LGSN: variants seen among roughly 807,000 people sequenced by gnomAD.
LGSN encodes the protein lengsin, lens protein with glutamine synthetase domain, also known as lengsin.
LGSN carries 21 observed loss-of-function variants against 19.5 expected under a neutral mutation model. The observed-to-expected ratio is 1.07, with a 90% confidence interval of 0.76 to 1.55. The LOEUF (loss-of-function observed/expected upper bound fraction) is 1.55, where lower values mean the gene tolerates loss of function less well. LGSN is among the 40% of genes most tolerant of loss of function. The pLI, the probability that LGSN is intolerant of heterozygous loss-of-function variation, is 0.00. For missense variants in LGSN, 673 were observed against 608.5 expected, an observed-to-expected ratio of 1.11 and a Z score of -1.12; for synonymous variants, 257 against 215.6, an observed-to-expected ratio of 1.19 and a Z score of -1.68.
At chr6:63,493,215 C>T in the LGSN span, among the ~76,000 whole-genome samples, 4 of 152,096 alleles carry the variant, frequency 2.6e-5, no homozygotes, top group African/African-American at 9.7e-5. Flanking sequence ...TCACAAAGAC[C>T]CCGGGTTGGT....
In LGSN at chr6:63,281,139, T is replaced by C. The variant is rs1323268932; in HGVS notation, c.412A>G (p.Ile138Val). Residue 138 changes from isoleucine to valine, a missense_variant, in exon 4 of 4, where the codon ATA (isoleucine) becomes GTA (valine). Transcript: ENST00000370657. ...TCGCTATTAAAACATGTGGCTCTTA[T>C]GTTATTCATTTCATTGTCCTTTGGA... Reference protein sequence around the residue: ...PNPKDNEMNNIRATCFNSDIV... With the variant: ...PNPKDNEMNNVRATCFNSDIV... 2.5e-6 allele frequency: 4 copies of C among 1,613,844 alleles called. No individual in the cohort carries two copies. The highest frequency in any genetic ancestry group is 2.2e-5 in the South Asian group (2 of 91,068).
chr6:63,525,692 C>A, the LGSN span, among the ~76,000 whole-genome samples: 7 of 152,328 alleles, frequency 4.6e-5, no homozygotes, highest in African/African-American at 1.7e-4. Flanking sequence ...ACAACCCCAA[C>A]CTTTCACCTT....
At chr6:63,463,368 A>C in the LGSN span, among the ~76,000 whole-genome samples, 1 of 152,202 alleles carries the variant, frequency 6.6e-6, no homozygotes, top group South Asian at 2.1e-4. Context: ...CTGAGGCTCC[A>C]GTAAGGTGTG....
At chr6:63,491,105 A>G in the LGSN span, among the ~76,000 whole-genome samples, 1 of 152,086 alleles carries the variant, frequency 6.6e-6, no homozygotes, top group East Asian at 1.9e-4. Flanking sequence ...TTCAGAAATA[A>G]TGTTTTACCA....
the LGSN span, among the ~76,000 whole-genome samples, chr6:63,486,047 G>A: frequency 8.5e-5 from 13 of 152,080 alleles, no homozygotes; most frequent in African/African-American, 2.7e-4. Context: ...GTTTGTAGAA[G>A]TTGATCAGGA....
the LGSN span, among the ~76,000 whole-genome samples, chr6:63,547,474 G>A: frequency 6.8e-6 from 1 of 147,420 alleles, no homozygotes; most frequent in Non-Finnish European, 1.5e-5. Context: ...ACAGGCGTCT[G>A]CCACCTCGCC....
chr6:63,489,983 C>T, the LGSN span, among the ~76,000 whole-genome samples: 10 of 152,160 alleles, frequency 6.6e-5, no homozygotes, highest in Admixed American at 6.5e-4. Flanking sequence ...GTGCTGATTA[C>T]AGATGTGAGC....
At chr6:63,295,190 C>A (rs759682375) in intron 1 of LGSN, 145 bp from the exon 2 acceptor site, 1 of 684,396 alleles carries the variant, frequency 1.5e-6, no homozygotes, top group Non-Finnish European at 2.5e-6. Context: ...CACTTCCACA[C>A]TCACCTGAAT....
chr6:63,392,800 A>G, the LGSN span, among the ~76,000 whole-genome samples: 67 of 151,980 alleles, frequency 4.4e-4, no homozygotes, highest in Non-Finnish European at 7.9e-4. Context: ...TCTAATGAAG[A>G]GCAGTCTGTA....
At chr6:63,320,063 C>G, upstream of LGSN, 1 of 768,398 alleles carries the variant, frequency 1.3e-6, no homozygotes, top group South Asian at 1.5e-5. Context: ...AGAGGCTTTT[C>G]CAGAGGGGTC....
the LGSN span, among the ~76,000 whole-genome samples, chr6:63,484,999 G>T: frequency 2.6e-5 from 4 of 151,482 alleles, no homozygotes; most frequent in Admixed American, 2.6e-4. Context: ...TATCCACTTT[G>T]TCTTGTTACT....
the LGSN span, among the ~76,000 whole-genome samples, chr6:63,514,086 C>G: frequency 2.0e-5 from 3 of 150,134 alleles, no homozygotes; most frequent in Non-Finnish European, 4.5e-5. Flanking sequence ...AATCTGTGTT[C>G]TTCTGCCCAC....
the LGSN span, among the ~76,000 whole-genome samples, chr6:63,404,779 A>C: frequency 6.6e-6 from 1 of 151,850 alleles, no homozygotes; most frequent in African/African-American, 2.4e-5. Flanking sequence ...AATGATTAAT[A>C]TACTAAAAAA....
chr6:63,426,144 T>G, the LGSN span, among the ~76,000 whole-genome samples: 2 of 152,218 alleles, frequency 1.3e-5, no homozygotes, highest in African/African-American at 4.8e-5. Context: ...GGTCATTGAC[T>G]GTGATAGCAC....
At chr6:63,491,858 T>C in the LGSN span, among the ~76,000 whole-genome samples, 1 of 152,080 alleles carries the variant, frequency 6.6e-6, no homozygotes, top group Non-Finnish European at 1.5e-5. Context: ...TGAAACCCCG[T>C]CTCTACTAAA....
At chr6:63,315,602 TTC>T (rs539021063) in intron 1 of LGSN, among the ~76,000 whole-genome samples, 14,862 of 128,986 alleles carry the variant, frequency 0.12, 1,138 homozygotes, top group Admixed American at 0.27. Flanking sequence ...AGCTAAAATG[TTC>T]TCTCTCTCTC....
chr6:63,473,317 A>G, the LGSN span, among the ~76,000 whole-genome samples: 2 of 151,470 alleles, frequency 1.3e-5, no homozygotes, highest in Non-Finnish European at 2.9e-5. Flanking sequence ...TACTAAAAAC[A>G]CAAAAAATTA....
At chr6:63,505,036 C>T in the LGSN span, among the ~76,000 whole-genome samples, 1 of 152,180 alleles carries the variant, frequency 6.6e-6, no homozygotes, top group Admixed American at 6.5e-5. Context: ...TTCTCATCTA[C>T]ACCAGGAACT....
At chr6:63,470,631 C>T in the LGSN span, among the ~76,000 whole-genome samples, 2 of 152,002 alleles carry the variant, frequency 1.3e-5, no homozygotes, top group East Asian at 3.8e-4. Context: ...TTTTTATCCG[C>T]ACCCATTTCC....
Sources: allele counts gnomAD v4.1 joint callset (sites outside exome capture counted in the v4.1 genomes callset), GRCh38; gene constraint gnomAD v4.1.1; transcripts MANE v1.5; gene names NCBI Gene and HGNC (gene_info 2026-07-23, HGNC 2026-07-21).